RERE: variants seen among roughly 807,000 people sequenced by gnomAD.
RERE encodes arginine-glutamic acid dipeptide repeats protein.
A neutral mutation model predicts 146.1 loss-of-function variants in RERE; 40 were observed. That is an observed-to-expected ratio of 0.27 (90% CI 0.21 to 0.36). The LOEUF (loss-of-function observed/expected upper bound fraction) is 0.36, where lower values mean the gene tolerates loss of function less well. Among genes scored for constraint, RERE ranks in the 10% least tolerant of loss-of-function variants. RERE has a pLI of 1.00. For synonymous variants in RERE, 1,003 were observed against 866.0 expected (o/e 1.16, Z -2.78); for missense variants, 1,933 against 2,138.7 (o/e 0.90, Z 1.90).
At chr1:8,496,282 G>A (rs943581020) in intron 9 of RERE, among the ~76,000 whole-genome samples, 1 of 151,786 alleles carries the variant, frequency 6.6e-6, no homozygotes, top group Non-Finnish European at 1.5e-5. Context: ...CAGGTAACTG[G>A]GGCAACACAG....
intron 8 of RERE, among the ~76,000 whole-genome samples, chr1:8,502,322 G>T (rs1291188874): frequency 9.2e-6 from 1 of 108,338 alleles, no homozygotes; most frequent in African/African-American, 3.9e-5. Flanking sequence ...GAGCCGCCCC[G>T]TCCGGGAGGG....
Position 8,361,211 on chromosome 1 carries a change from G to A in RERE, c.2296C>T (p.Pro766Ser), listed in dbSNP as rs1052563490. ...GGAACTGCAGTGGCAGAGGGCGTGG[G>A]CCCTGGCGTGGGCAGCTGAGGGGTC... ...PGTPQLPTPG[P>S]TPSATAVPPQ... The change falls in exon 18 of 23, where the codon CCC (proline) becomes TCC (serine). Residue 766 changes from proline to serine, a missense_variant. Physicochemically the swap from Pro to Ser is moderately conservative, Grantham distance 74. Coordinates refer to ENST00000400908, the MANE Select transcript of RERE (RefSeq NM_001042681.2). The A allele has an allele frequency of 2.0e-6, 3 of 1,518,336 alleles. No homozygotes were observed. Among genetic ancestry groups the A allele is most frequent in the Non-Finnish European group, 2.6e-6 (3 of 1,138,572 alleles). 94.1% of individuals were successfully genotyped at this position (1,518,336 alleles called of 1,614,324 possible).
Position 8,360,772 on chromosome 1 carries a change from G to A in RERE, c.2735C>T (p.Pro912Leu). The change falls in exon 18 of 23, where the codon CCT becomes CTT. Residue 912 changes from proline (P) to leucine (L), a missense_variant. Around this residue, in one of 11 missense-constraint regions of RERE, gnomAD observed 1,255 missense variants for 1,153.8 expected, o/e 1.09. Coordinates refer to ENST00000400908, the MANE Select transcript of RERE (RefSeq NM_001042681.2). ...TGGTGGCAGGGGCTGCTCCCGTGGA[G>A]GCTGTTGGGACTGCAGCGCTGACTG... ...ASQSALQSQQ[P>L]PREQPLPPAP... 2.5e-6 allele frequency: 4 copies of A among 1,597,604 alleles called. No individual in the cohort carries two copies. The highest frequency in any genetic ancestry group is 3.4e-6 in the Non-Finnish European group (4 of 1,176,468).
At chr1:8,630,849 A>G (rs1647026778) in intron 2 of RERE, among the ~76,000 whole-genome samples, 1 of 152,262 alleles carries the variant, frequency 6.6e-6, no homozygotes, top group South Asian at 2.1e-4. Context: ...ATCAACTGTT[A>G]TCAAAATCAG....
At position 8,375,863 on chromosome 1, in the gene RERE, T is replaced by C. The variant is rs1642227639; in HGVS notation, c.1285-9889A>G. On this transcript the variant is annotated intron_variant, in intron 12 of 22. Coordinates refer to ENST00000400908, the MANE Select transcript of RERE (RefSeq NM_001042681.2). ...TTTATTTACAAACAAGCAAACAACA[T>C]TTTACTATGAAATCTACAATAACTA... 1.3e-5 allele frequency among the ~76,000 whole-genome samples: 2 copies of C among 152,254 alleles called. 1 individual carries two copies. The highest frequency in any genetic ancestry group is 4.1e-4 in the South Asian group (2 of 4,838).
At chr1:8,630,369 T>C (rs971454180) in intron 2 of RERE, among the ~76,000 whole-genome samples, 1 of 151,704 alleles carries the variant, frequency 6.6e-6, no homozygotes, top group African/African-American at 2.4e-5. Flanking sequence ...TCAAAAATTA[T>C]ATGAGGAACA....
chr1:8,400,436 G>A (rs1393754313), intron 12 of RERE, among the ~76,000 whole-genome samples: 1 of 151,908 alleles, frequency 6.6e-6, no homozygotes, highest in Non-Finnish European at 1.5e-5. Flanking sequence ...ATTTTTTGTA[G>A]AAATGAGGTC....
intron 2 of RERE, among the ~76,000 whole-genome samples, chr1:8,653,706 A>G (rs1647761632): frequency 6.6e-6 from 1 of 151,842 alleles, no homozygotes; most frequent in Non-Finnish European, 1.5e-5. Flanking sequence ...AAAAAAAAAA[A>G]AAAAAAAAAA....
intron 8 of RERE, among the ~76,000 whole-genome samples, chr1:8,503,087 A>AATAAAT (rs1645200734): frequency 6.9e-6 from 1 of 144,600 alleles, no homozygotes; most frequent in African/African-American, 2.6e-5. Context: ...TGATCAATTA[A>AATAAAT]AAATAAATAA....
intron 11 of RERE, among the ~76,000 whole-genome samples, chr1:8,434,074 T>G (rs1448149139): frequency 1.3e-5 from 2 of 152,226 alleles, no homozygotes; most frequent in Non-Finnish European, 2.9e-5. Flanking sequence ...TTCATGAGTA[T>G]CATGATAATG....
rs1333452446 is a variant in RERE, at chr1:8,356,544, G to GC, written c.4340-299dup. Among the ~76,000 whole-genome samples the GC allele has an allele frequency of 6.6e-6, 1 of 152,210 alleles. No homozygotes were observed. Among genetic ancestry groups the GC allele is most frequent in the African/African-American group, 2.4e-5 (1 of 41,448 alleles). On this transcript the variant is annotated intron_variant, in intron 20 of 22. Coordinates refer to ENST00000400908, the MANE Select transcript of RERE (RefSeq NM_001042681.2). This position sits in a 1 kb window ranked among gnomAD's most constrained non-coding sequence, Gnocchi z 5.2. The stretch of plus-strand genomic sequence containing the variant: ...CAGTTTTGTCGAGGACCCGGGATCA[G>GC]CAGGGTCCCTCTCGCCGGCCACCTG...
chr1:8,655,326 C>T (rs1638248899), intron 2 of RERE, among the ~76,000 whole-genome samples: 1 of 152,060 alleles, frequency 6.6e-6, no homozygotes, highest in African/African-American at 2.4e-5. Context: ...CCCGTCTCAG[C>T]CTCCCAAGTA....
At chr1:8,428,851 A>G (rs188409871) in intron 11 of RERE, among the ~76,000 whole-genome samples, 132 of 152,342 alleles carry the variant, frequency 8.7e-4, no homozygotes, top group African/African-American at 3.0e-3. Flanking sequence ...TAATGTGTTC[A>G]AAAGTTCCTC....
chr1:8,686,033 G>C (rs746863730), intron 1 of RERE, among the ~76,000 whole-genome samples: 2 of 151,336 alleles, frequency 1.3e-5, no homozygotes, highest in East Asian at 1.9e-4. Flanking sequence ...CCAGGCTGGA[G>C]AGCAGTAGCA....
chr1:8,687,236 C>T (rs1639110684), intron 1 of RERE, among the ~76,000 whole-genome samples: 3 of 151,940 alleles, frequency 2.0e-5, no homozygotes, highest in Admixed American at 1.3e-4. Flanking sequence ...ACGGGTGGCG[C>T]CTCAGAGAGT....
rs1168321610 is a variant in RERE, at chr1:8,358,621, C to A, written c.3914G>T (p.Arg1305Leu). ...CTCCCGCTCTCGGATCTCCCGCTCC[C>A]GGAGCTCCCGCTCGCGGATGGTGGG... Reference protein sequence around the residue: ...VDPTIRERELREREIREREIR... With the variant: ...VDPTIRERELLEREIREREIR... The change falls in exon 20 of 23, where the codon CGG (arginine) becomes CTG (leucine). Residue 1305 changes from arginine (R) to leucine (L), a missense_variant. Transcript: ENST00000400908. 6.3e-7 allele frequency: 1 copy of A among 1,591,562 alleles called. No homozygotes were observed. The highest frequency in any genetic ancestry group is 1.8e-5 in the Admixed American group (1 of 57,130).
At chr1:8,752,334 T>C (rs908348912) in intron 1 of RERE, among the ~76,000 whole-genome samples, 6 of 152,140 alleles carry the variant, frequency 3.9e-5, no homozygotes, top group South Asian at 2.1e-4. Context: ...TACTAAAGCA[T>C]AGCTCAGGAA....
At chr1:8,662,910 T>C (rs2124351733) in intron 1 of RERE, among the ~76,000 whole-genome samples, 2 of 152,352 alleles carry the variant, frequency 1.3e-5, no homozygotes, top group East Asian at 3.9e-4. Flanking sequence ...ACAATGCTGC[T>C]GTTGAGAATT....
At chr1:8,409,035 G>T (rs1456646194) in intron 12 of RERE, among the ~76,000 whole-genome samples, 3 of 152,212 alleles carry the variant, frequency 2.0e-5, no homozygotes, top group Admixed American at 2.0e-4. Context: ...CCCAAGAACT[G>T]AAATCATTTC....
Sources: allele counts gnomAD v4.1 joint callset (sites outside exome capture counted in the v4.1 genomes callset), GRCh38; gene constraint gnomAD v4.1.1; regional missense constraint gnomAD v4.1.1; non-coding constraint Gnocchi (gnomAD v3.1); transcripts MANE v1.5; gene names NCBI Gene and HGNC (gene_info 2026-07-23, HGNC 2026-07-21).